The following NAV1 variants were observed in gnomAD, a reference collection of about 807,000 sequenced individuals.
NAV1 encodes pore membrane and/or filament interacting like protein 3.
In NAV1, 18 loss-of-function variants were observed where a neutral mutation model predicts 175.2. The observed-to-expected ratio is 0.10, with a 90% CI of 0.07 to 0.15. NAV1 has a LOEUF of 0.15. Among genes scored for constraint, NAV1 ranks in the 10% least tolerant of loss-of-function variants. NAV1 has a pLI of 1.00. For synonymous variants in NAV1, 897 were observed against 978.7 expected (o/e 0.92, Z 1.56); for missense variants, 1,731 against 2,436.6 (o/e 0.71, Z 6.10).
At chr1:201,608,217 C>A (rs1189129254) in intron 2 of NAV1, among the ~76,000 whole-genome samples, 1 of 152,140 alleles carries the variant, frequency 6.6e-6, no homozygotes, top group East Asian at 1.9e-4. Context: ...GGTTAAGTAA[C>A]TTTCCCAAAA....
chr1:201,601,443 A>T (rs1287483446), intron 2 of NAV1, among the ~76,000 whole-genome samples: 3 of 152,180 alleles, frequency 2.0e-5, no homozygotes, highest in Non-Finnish European at 4.4e-5. Flanking sequence ...TGATCACACC[A>T]CTGTACCCCA....
chr1:201,607,645 C>T (rs1310644166), intron 2 of NAV1, among the ~76,000 whole-genome samples: 3 of 151,256 alleles, frequency 2.0e-5, no homozygotes, highest in Non-Finnish European at 2.9e-5. Context: ...GCATGCACCA[C>T]CATACCCAGC....
At chr1:201,606,715 C>A (rs1381912317) in intron 2 of NAV1, among the ~76,000 whole-genome samples, 1 of 152,184 alleles carries the variant, frequency 6.6e-6, no homozygotes, top group Non-Finnish European at 1.5e-5. Context: ...GGCTATGGGG[C>A]CACCCCACAC....
At chr1:201,649,930 T>C (rs2102333774) in intron 1 of NAV1, among the ~76,000 whole-genome samples, 1 of 149,350 alleles carries the variant, frequency 6.7e-6, no homozygotes, top group South Asian at 2.2e-4. Flanking sequence ...GGATCCCGAG[T>C]GGGAGCGCAA....
chr1:201,634,489 G>T (rs974892442), intron 2 of NAV1, among the ~76,000 whole-genome samples: 1 of 152,174 alleles, frequency 6.6e-6, no homozygotes, highest in Admixed American at 6.5e-5. Context: ...TTCTCCCAGG[G>T]AGGCCAGGAG....
chr1:201,557,029 C>T (rs889568168), intron 1 of NAV1, among the ~76,000 whole-genome samples: 4 of 152,102 alleles, frequency 2.6e-5, no homozygotes, highest in Non-Finnish European at 4.4e-5. Flanking sequence ...CCACAGGGCC[C>T]CCACTTAAGG....
intron 2 of NAV1, among the ~76,000 whole-genome samples, chr1:201,597,209 G>A (rs977282759): frequency 3.9e-5 from 6 of 152,194 alleles, no homozygotes; most frequent in Admixed American, 6.5e-5. Context: ...CTGAGGAAGC[G>A]ATCTTGTGAT....
chr1:201,581,069 G>A (rs779777155), intron 1 of NAV1, among the ~76,000 whole-genome samples: 2 of 152,194 alleles, frequency 1.3e-5, no homozygotes, highest in Non-Finnish European at 2.9e-5. Flanking sequence ...CAAAACAGGA[G>A]AAGTTAGCAG....
In NAV1 at chr1:201,732,888, T is replaced by G. The variant is rs192400747; in HGVS notation, c.1226+14133T>G. On this transcript the variant is annotated intron_variant, in intron 3 of 29. Transcript: ENST00000367296. ...GAGTTCAAAACCAGCCTGGCCAACA[T>G]GGCGGAACCCTGTGTCTACTAAAAA... is the stretch of plus-strand genomic sequence containing the variant. 4.3e-3 allele frequency among the ~76,000 whole-genome samples: 647 copies of G among 151,742 alleles called. 5 individuals are homozygous for G. Among genetic ancestry groups the G allele is most frequent in the African/African-American group, 0.015 (600 of 41,298 alleles).
upstream of NAV1, among the ~76,000 whole-genome samples, chr1:201,621,775 G>A (rs1668178871): frequency 6.6e-6 from 1 of 152,138 alleles, no homozygotes; most frequent in Non-Finnish European, 1.5e-5. Context: ...ACTTAGAAAG[G>A]CCTCTCCCAC....
chr1:201,740,083 G>T lies in NAV1; in HGVS notation c.1226+21328G>T. 6.9e-7 allele frequency: 1 copy of T among 1,454,036 alleles called. No homozygotes were observed. The highest frequency in any genetic ancestry group is 1.5e-5 in the South Asian group (1 of 68,500). The allele number at this position is 1,454,036 out of a possible 1,614,324, so 90.1% of individuals were successfully genotyped here. On this transcript the variant is annotated intron_variant, in intron 3 of 29. Coordinates refer to ENST00000367296, the Ensembl canonical transcript of NAV1. The surrounding 1 kb of genome is among the most constrained non-coding windows in gnomAD (Gnocchi z 4.7). ...CGGTGAATTTCCCCCGCAGGTAAGC[G>T]CCCCCACCCCCCTGGCCTCACCGCC...
chr1:201,794,881 T>C (rs1241393817), intron 15 of NAV1: 1 of 306,488 alleles, frequency 3.3e-6, no homozygotes, highest in Non-Finnish European at 6.2e-6. Flanking sequence ...CTTTACATTT[T>C]TATGCAAATG....
intron 1 of NAV1, among the ~76,000 whole-genome samples, chr1:201,654,125 C>T (rs940916338): frequency 2.6e-5 from 4 of 152,156 alleles, no homozygotes; most frequent in Non-Finnish European, 5.9e-5. Flanking sequence ...GGCAGTTCCT[C>T]TGCCCTGGGG....
chr1:201,737,666 C>A lies in NAV1; in HGVS notation c.1226+18911C>A, dbSNP rs141336107. Among the ~76,000 whole-genome samples, 80 of 152,228 alleles carry A rather than the reference C, an allele frequency of 5.3e-4. 1 individual carries two copies. Among genetic ancestry groups the A allele is most frequent in the African/African-American group, 1.8e-3 (74 of 41,540 alleles). ...GAACAGCTCAGCTCCATGCACAAGA[C>A]CCCTGTCCCTCCAAGTAAACCCCTG... is the stretch of plus-strand genomic sequence containing the variant. On this transcript the variant is annotated intron_variant, in intron 3 of 29. Coordinates refer to ENST00000367296, the Ensembl canonical transcript of NAV1.
At chr1:201,545,669 A>G (rs1217969129) in intron 1 of NAV1, among the ~76,000 whole-genome samples, 4 of 152,206 alleles carry the variant, frequency 2.6e-5, no homozygotes, top group African/African-American at 9.7e-5. Context: ...GCACCACTCC[A>G]TTTATGAGCT....
Position 201,718,686 on chromosome 1 carries a change from A to T in NAV1, c.1157A>T (p.Lys386Met). Residue 386 changes from lysine to methionine, a missense_variant, in exon 3 of 30, where the codon AAG becomes ATG. Coordinates refer to ENST00000367296, the Ensembl canonical transcript of NAV1. This position sits in a 1 kb window ranked among gnomAD's most constrained non-coding sequence, Gnocchi z 4.8. ...CTGGACTCGGATGAGGTGGACCTCAAGTCCGGCTACATGAGCGACAGTGAC... is the reference window on the plus strand; with the variant it reads ...CTGGACTCGGATGAGGTGGACCTCATGTCCGGCTACATGAGCGACAGTGAC... 1 of 1,614,202 alleles carries T rather than the reference A, an allele frequency of 6.2e-7. No homozygotes were observed. Among genetic ancestry groups the T allele is most frequent in the Non-Finnish European group, 8.5e-7 (1 of 1,180,044 alleles).
chr1:201,794,652 C>G, intron 15 of NAV1, 75 bp downstream of exon 19: 1 of 1,273,842 alleles, frequency 7.9e-7, no homozygotes, highest in Non-Finnish European at 1.1e-6. Flanking sequence ...TTATCTGGGC[C>G]CATAGTATTC....
At chr1:201,804,417 A>G in intron 16 of NAV1, 72 bp from the exon 21 acceptor site, 1 of 1,452,514 alleles carries the variant, frequency 6.9e-7, no homozygotes, top group Non-Finnish European at 9.4e-7. Context: ...GCTGTGTGAA[A>G]TGAGTGATTA....
At chr1:201,602,859 C>T (rs1200170722) in intron 2 of NAV1, among the ~76,000 whole-genome samples, 1 of 152,052 alleles carries the variant, frequency 6.6e-6, no homozygotes, top group Non-Finnish European at 1.5e-5. Flanking sequence ...CTCACCCAGC[C>T]TCCCCATCCT....
Sources: gnomAD v4.1 joint callset for allele counts (sites outside exome capture counted in the v4.1 genomes callset) on GRCh38, gnomAD v4.1.1 for gene constraint, Gnocchi (gnomAD v3.1) non-coding constraint, MANE v1.5 for transcripts, NCBI Gene and HGNC (gene_info 2026-07-23, HGNC 2026-07-21) for gene names.